Variants in SLC9A6 observed in about 807,000 individuals in gnomAD.
SLC9A6 encodes sodium/hydrogen exchanger 6.
In SLC9A6, 6 loss-of-function variants were observed where a neutral mutation model predicts 45.3. The ratio of observed to expected loss-of-function variants is 0.13; its 90% CI spans 0.07 to 0.26. The LOEUF (loss-of-function observed/expected upper bound fraction) is 0.26, where lower values mean the gene tolerates loss of function less well. SLC9A6 is among the 10% of genes least tolerant of loss of function. SLC9A6 has a pLI of 1.00. For missense variants in SLC9A6, 278 were observed against 503.7 expected, an observed-to-expected ratio of 0.55 and a Z score of 4.29; for synonymous variants, 191 against 187.7, an observed-to-expected ratio of 1.02 and a Z score of -0.14.
rs782469016 is a variant in SLC9A6, at chrX:135,994,828, C to T, written c.212C>T (p.Pro71Leu). The T allele has an allele frequency of 1.2e-5, 15 of 1,209,288 alleles. No homozygotes were observed. The highest frequency in any genetic ancestry group is 8.8e-5 in the Admixed American group (4 of 45,626). The change falls in exon 3 of 18, where the codon CCG becomes CTG. Residue 71 changes from proline to leucine, a missense_variant. Pro to Leu is a moderately conservative substitution (Grantham distance 98). This residue lies in a region of SLC9A6 where 118 missense variants were observed against 209.9 expected (regional missense o/e 0.56). Coordinates refer to ENST00000630721, the MANE Select transcript of SLC9A6 (RefSeq NM_001379110.1). ...GTGCTTCGGTATGGCATTCATGTTC[C>T]GAGTGATGTAAATAATGTGACCCTG... is the stretch of plus-strand genomic sequence containing the variant. ...GLVLRYGIHV[P>L]SDVNNVTLSC...
At chrX:136,004,993 C>T (rs1326281948) in intron 7 of SLC9A6, among the ~76,000 whole-genome samples, 8 of 112,268 alleles carry the variant, frequency 7.1e-5, no homozygotes, top group Admixed American at 6.6e-4. Flanking sequence ...AGAGTAGGTA[C>T]AGGCAGTCAC....
intron 1 of SLC9A6, chrX:135,975,225 T>TC (rs2089255065): frequency 8.9e-6 from 1 of 112,871 alleles, no homozygotes; most frequent in Admixed American, 9.3e-5. Flanking sequence ...ATCCTTTTTT[T>TC]CCAAATTCTG....
chrX:136,001,149 C>T (rs1025281867), intron 6 of SLC9A6, among the ~76,000 whole-genome samples: 1 of 109,579 alleles, frequency 9.1e-6, no homozygotes, highest in African/African-American at 3.3e-5. Flanking sequence ...TCCTGACTAA[C>T]ACGGTAAAAC....
intron 12 of SLC9A6, among the ~76,000 whole-genome samples, chrX:136,023,702 G>A (rs535896706): frequency 1.8e-5 from 2 of 110,650 alleles, no homozygotes; most frequent in Middle Eastern, 4.6e-3. Flanking sequence ...GGGGAGGGAT[G>A]ATGAAACCAT....
rs2071482037 is a variant in SLC9A6, at chrX:136,040,141, G to A, written c.1727G>A (p.Gly576Glu). Residue 576 changes from glycine (G) to glutamate (E), a missense_variant, in exon 17 of 18, where the codon GGA (glycine) becomes GAA (glutamate). Gly to Glu is a moderately conservative substitution (Grantham distance 98). Transcript: ENST00000630721. ...ACAACAACACTCCCTGCCTGCTGTG[G>A]ACCCATCGCCAGGTGCCTCACCAGC... ...PLTTTLPACCGPIARCLTSPQ... is the reference protein window; with the variant it reads ...PLTTTLPACCEPIARCLTSPQ... 8.3e-7 allele frequency: 1 copy of A among 1,210,965 alleles called. No homozygotes were observed. The highest frequency in any genetic ancestry group is 1.7e-5 in the African/African-American group (1 of 57,850).
chrX:136,034,723 C>T (rs1328415948), intron 16 of SLC9A6, among the ~76,000 whole-genome samples: 1 of 111,887 alleles, frequency 8.9e-6, no homozygotes, highest in Non-Finnish European at 1.9e-5. Context: ...GTAATTTTTG[C>T]ATTCACTGCT....
At chrX:136,010,266 C>G in intron 7 of SLC9A6, 176 bp from the exon 8 acceptor site, 1 of 270,990 alleles carries the variant, frequency 3.7e-6, no homozygotes, top group Non-Finnish European at 6.5e-6. Context: ...GCCAAGTTTT[C>G]TTGCTAGCCA....
At chrX:136,017,237 A>C (rs1556619388) in intron 11 of SLC9A6, among the ~76,000 whole-genome samples, 1 of 110,560 alleles carries the variant, frequency 9.0e-6, no homozygotes, top group East Asian at 2.8e-4. Context: ...CAATGTAGCA[A>C]GACCCCATCT....
In SLC9A6 at chrX:135,977,707, CT is replaced by C. The variant is rs1326515881; in HGVS notation, c.-57+2935del. Reference sequence around the variant, plus strand: ...CAATATTGAAATCGCATCCTGTTTACTTTTTTTTTTTCATTACCAAAGTGGT... The same window carrying C: ...CAATATTGAAATCGCATCCTGTTTACTTTTTTTTTTCATTACCAAAGTGGT... On this transcript the variant is annotated intron_variant, in intron 1 of 16. Coordinates refer to the SLC9A6 transcript ENST00000636092. Among the ~76,000 whole-genome samples the C allele has an allele frequency of 7.1e-3, 748 of 105,769 alleles. 6 individuals are homozygous for C. The highest frequency in any genetic ancestry group is 0.018 in the African/African-American group (537 of 29,275). 91.8% of individuals were successfully genotyped at this position (105,769 alleles called of 115,157 possible). A position where few individuals can be genotyped will look rare whatever the true frequency, so the allele number is the denominator to read the frequency against.
At chrX:135,979,360 T>C (rs1170931394) in intron 1 of SLC9A6, among the ~76,000 whole-genome samples, 1 of 111,486 alleles carries the variant, frequency 9.0e-6, no homozygotes, top group East Asian at 2.8e-4. Flanking sequence ...TGCATATAGC[T>C]CAAAAATCCA....
chrX:136,038,761 C>T (rs2071455498), intron 16 of SLC9A6, among the ~76,000 whole-genome samples: 1 of 105,229 alleles, frequency 9.5e-6, no homozygotes, highest in Admixed American at 1.0e-4. Context: ...TTTTTAAAAC[C>T]ATTTGTCATC....
chrX:136,026,931 G>A (rs1373362681), intron 13 of SLC9A6, among the ~76,000 whole-genome samples: 2 of 111,533 alleles, frequency 1.8e-5, no homozygotes, highest in Admixed American at 1.9e-4. Flanking sequence ...GGAAGAGGGG[G>A]CCTCTGCTGG....
chrX:135,998,538 A>G lies in SLC9A6; in HGVS notation c.504A>G (p.Ala168=), dbSNP rs782010755. ...SILAYAFLGT[A]ISCFVIGSIM... ...TAGCATACGCTTTTCTTGGAACAGC[A>G]ATTTCTTGTTTCGTTATTGGGTAAG... Residue 168 remains alanine (A), a synonymous_variant, in exon 5 of 18, where the codon GCA becomes GCG. Coordinates refer to ENST00000630721, the MANE Select transcript of SLC9A6 (RefSeq NM_001379110.1). 2.5e-6 allele frequency: 3 copies of G among 1,185,546 alleles called. No homozygotes were observed. In the African/African-American group the frequency reaches 5.4e-5, roughly 21 times the overall value.
chrX:136,037,593 C>T (rs1425438860), intron 16 of SLC9A6, among the ~76,000 whole-genome samples: 1 of 111,004 alleles, frequency 9.0e-6, no homozygotes, highest in Non-Finnish European at 1.9e-5. Flanking sequence ...TTTATTGAGA[C>T]AGAGTCTCAC....
intron 11 of SLC9A6, among the ~76,000 whole-genome samples, chrX:136,018,973 C>T (rs1404178482): frequency 9.0e-6 from 1 of 110,941 alleles, no homozygotes; most frequent in Non-Finnish European, 1.9e-5. Flanking sequence ...TCCTGCTAGT[C>T]TTGGAGAAAA....
chrX:136,037,114 T>C (rs1275244973), intron 16 of SLC9A6, among the ~76,000 whole-genome samples: 2 of 112,674 alleles, frequency 1.8e-5, no homozygotes, highest in Non-Finnish European at 3.7e-5. Flanking sequence ...TACTGTACTT[T>C]ATAATAAGTC....
chrX:136,000,706 G>T (rs113082969), intron 6 of SLC9A6, among the ~76,000 whole-genome samples: 167 of 112,126 alleles, frequency 1.5e-3, no homozygotes, highest in African/African-American at 5.2e-3. Flanking sequence ...CTCTTAGAAG[G>T]GTGAGGTATG....
At chrX:136,006,461 GTTTTT>G (rs10712373) in intron 7 of SLC9A6, among the ~76,000 whole-genome samples, 2 of 78,841 alleles carry the variant, frequency 2.5e-5, no homozygotes, top group African/African-American at 8.8e-5. Flanking sequence ...CTGAAGCACT[GTTTTT>G]TTTTTTTTTT....
chrX:135,985,882 G>A, intron 2 of SLC9A6, 55 bp downstream of exon 2: 3 of 1,181,837 alleles, frequency 2.5e-6, no homozygotes, highest in Non-Finnish European at 3.4e-6. Context: ...TCTGCCCGCC[G>A]GCTGCTTCGC....
Sources: allele counts gnomAD v4.1 joint callset (sites outside exome capture counted in the v4.1 genomes callset), GRCh38; gene constraint gnomAD v4.1.1; regional missense constraint gnomAD v4.1.1; transcripts MANE v1.5; gene names NCBI Gene and HGNC (gene_info 2026-07-23, HGNC 2026-07-21).